Variants in SLC25A13 observed in about 807,000 individuals in gnomAD.
SLC25A13 encodes the protein solute carrier family 25 member 13, also known as electrogenic aspartate/glutamate antiporter SLC25A13, mitochondrial.
Under a neutral mutation model 85.5 loss-of-function variants are expected in SLC25A13, and 70 were observed. The observed-to-expected ratio is 0.82, with a 90% confidence interval of 0.68 to 1.00. SLC25A13 has a LOEUF of 1.00. Among genes scored for constraint, SLC25A13 ranks in the 50% least tolerant of loss-of-function variants. SLC25A13 has a pLI of 0.00. For missense variants in SLC25A13, 765 were observed against 819.8 expected (o/e 0.93, Z 0.82); for synonymous variants, 259 against 288.7 (o/e 0.90, Z 1.04).
chr7:96,222,346 G>A (rs1301630614), intron 4 of SLC25A13, among the ~76,000 whole-genome samples: 1 of 152,200 alleles, frequency 6.6e-6, no homozygotes, highest in Non-Finnish European at 1.5e-5. Context: ...GGCACAGGGT[G>A]TAGACTAGTT....
At chr7:96,224,963 C>T (rs1037458613) in intron 4 of SLC25A13, among the ~76,000 whole-genome samples, 31 of 152,156 alleles carry the variant, frequency 2.0e-4, no homozygotes, top group South Asian at 8.3e-4. Context: ...GCCACTTACT[C>T]AACTTCCCCA....
intron 13 of SLC25A13, among the ~76,000 whole-genome samples, chr7:96,154,208 T>C (rs1709983448): frequency 6.6e-6 from 1 of 151,820 alleles, no homozygotes; most frequent in African/African-American, 2.4e-5. Context: ...ACACATTTTA[T>C]AAAGTGTCAG....
At chr7:96,218,030 T>A (rs1157708457) in intron 4 of SLC25A13, among the ~76,000 whole-genome samples, 1 of 152,032 alleles carries the variant, frequency 6.6e-6, no homozygotes, top group East Asian at 1.9e-4. Context: ...TCTTAGACAG[T>A]TTTTCTGGAG....
At chr7:96,186,130 A>C (rs1343906153) in intron 9 of SLC25A13, among the ~76,000 whole-genome samples, 1 of 152,026 alleles carries the variant, frequency 6.6e-6, no homozygotes, top group Non-Finnish European at 1.5e-5. Flanking sequence ...AATGTACATA[A>C]CCTCTGAAGT....
At chr7:96,145,530 C>T (rs1792747836) in intron 14 of SLC25A13, among the ~76,000 whole-genome samples, 2 of 152,072 alleles carry the variant, frequency 1.3e-5, no homozygotes, top group African/African-American at 4.8e-5. Context: ...TTATGGGGAC[C>T]AGTTATATCC....
At chr7:96,247,724 T>G (rs1160332596) in intron 3 of SLC25A13, among the ~76,000 whole-genome samples, 1 of 152,166 alleles carries the variant, frequency 6.6e-6, no homozygotes, top group Non-Finnish European at 1.5e-5. Flanking sequence ...TGACATATAA[T>G]TGACAAAAAT....
In SLC25A13 at chr7:96,281,490, T is replaced by C. The variant is rs75958527; in HGVS notation, c.70-4152A>G. ...AAGAAACATAAGAAAACCTAGCGTA[T>C]AATTCCATTCACGCAAAGTGAAATA... On this transcript the variant is annotated intron_variant, in intron 2 of 17. Coordinates refer to ENST00000265631, the MANE Select transcript of SLC25A13 (RefSeq NM_014251.3). 2.5e-3 allele frequency among the ~76,000 whole-genome samples: 377 copies of C among 151,410 alleles called. 3 individuals carry two copies. Among genetic ancestry groups the C allele is most frequent in the African/African-American group, 8.8e-3 (361 of 41,238 alleles).
chr7:96,223,317 T>C (rs944493854), intron 4 of SLC25A13, among the ~76,000 whole-genome samples: 1 of 152,226 alleles, frequency 6.6e-6, no homozygotes, highest in African/African-American at 2.4e-5. Context: ...ACATATTTCA[T>C]GAAATCTTGT....
In SLC25A13 at chr7:96,121,838, C is replaced by A. The variant is rs771583670; in HGVS notation, c.1750+1G>T. ...TAGTTAAGAACACATTATTTCCATA[C>A]CACCAGCTCCCTTCCACAGAGCTTT... On this transcript the variant is annotated splice_donor_variant, in intron 16 of 17. Transcript: ENST00000265631. LOFTEE classifies it high-confidence loss of function. 2.5e-6 allele frequency: 4 copies of A among 1,614,090 alleles called. No homozygotes were observed. The African/African-American group carries it at 4.0e-5, about 16-fold the overall frequency.
intron 1 of SLC25A13, among the ~76,000 whole-genome samples, chr7:96,304,730 C>A (rs1043378334): frequency 6.6e-6 from 1 of 152,204 alleles, no homozygotes; most frequent in Non-Finnish European, 1.5e-5. Flanking sequence ...GATGGTGATG[C>A]TCTACTTGCT....
chr7:96,196,069 G>A (rs1006128164), intron 5 of SLC25A13, among the ~76,000 whole-genome samples: 2 of 152,162 alleles, frequency 1.3e-5, no homozygotes, highest in Admixed American at 1.3e-4. Flanking sequence ...TAAATGACAG[G>A]CATTCTCATC....
At chr7:96,286,012 C>CGGTG (rs1419840188) in intron 2 of SLC25A13, among the ~76,000 whole-genome samples, 1 of 152,110 alleles carries the variant, frequency 6.6e-6, no homozygotes, top group Non-Finnish European at 1.5e-5. Context: ...TGGCCAGGCA[C>CGGTG]GGTGGCTCAT....
At chr7:96,133,304 T>A (rs944880926) in intron 14 of SLC25A13, among the ~76,000 whole-genome samples, 2 of 152,190 alleles carry the variant, frequency 1.3e-5, no homozygotes, top group African/African-American at 4.8e-5. Flanking sequence ...CCCCAAAGTG[T>A]TAGATGTCTA....
chr7:96,244,327 G>GATTTTTATTT (rs2116846700), intron 3 of SLC25A13, among the ~76,000 whole-genome samples: 1 of 152,064 alleles, frequency 6.6e-6, no homozygotes, highest in East Asian at 2.0e-4. Flanking sequence ...CCTAAGTAAA[G>GATTTTTATTT]ATTTTTATTT....
At chr7:96,276,111 A>T (rs1004687728) in intron 3 of SLC25A13, among the ~76,000 whole-genome samples, 3 of 152,240 alleles carry the variant, frequency 2.0e-5, no homozygotes, top group Admixed American at 2.0e-4. Flanking sequence ...GCTGGCAAGC[A>T]GCAGGGACAG....
At chr7:96,290,449 C>T (rs1799073432) in intron 2 of SLC25A13, among the ~76,000 whole-genome samples, 1 of 152,018 alleles carries the variant, frequency 6.6e-6, no homozygotes, top group Non-Finnish European at 1.5e-5. Context: ...TGTAAATGGG[C>T]TAAATGCTCC....
At chr7:96,230,907 GAGACC>G (rs1435670225) in intron 4 of SLC25A13, among the ~76,000 whole-genome samples, 1 of 152,136 alleles carries the variant, frequency 6.6e-6, no homozygotes, top group African/African-American at 2.4e-5. Context: ...TCAAGAGTTC[GAGACC>G]AGCTTCGCCA....
chr7:96,253,836 A>G lies in SLC25A13; in HGVS notation c.213-18919T>C, dbSNP rs1349957631. Among the ~76,000 whole-genome samples, 3 of 152,158 alleles carry G rather than the reference A, an allele frequency of 2.0e-5. No homozygotes were observed. The East Asian group carries it at 5.8e-4, about 29-fold the overall frequency. ...GATCCTGATGAGCCAAATAATGTAA[A>G]CCTTAAAAGCACTGGTCTGTAAACT... On this transcript the variant is annotated intron_variant, in intron 3 of 17. Coordinates refer to ENST00000265631, the MANE Select transcript of SLC25A13 (RefSeq NM_014251.3).
intron 2 of SLC25A13, among the ~76,000 whole-genome samples, chr7:96,289,805 G>C (rs1402516737): frequency 6.6e-6 from 1 of 152,144 alleles, no homozygotes; most frequent in African/African-American, 2.4e-5. Flanking sequence ...GAAAGTGATG[G>C]GGAGAATGAA....
Sources: gnomAD v4.1 joint callset for allele counts (sites outside exome capture counted in the v4.1 genomes callset) on GRCh38, gnomAD v4.1.1 for gene constraint, MANE v1.5 for transcripts, NCBI Gene and HGNC (gene_info 2026-07-23, HGNC 2026-07-21) for gene names.